Variants in MARS2 observed in about 807,000 individuals in gnomAD.
MARS2 encodes methionyl-tRNA synthetase 2, mitochondrial, also known as methionine--tRNA ligase, mitochondrial.
A neutral mutation model predicts 43.8 loss-of-function variants in MARS2; 33 were observed. That is an observed-to-expected ratio of 0.75 (90% confidence interval 0.57 to 1.01). The LOEUF (loss-of-function observed/expected upper bound fraction) is 1.01. MARS2 is among the 50% of genes least tolerant of loss of function. MARS2 has a pLI of 0.00. For synonymous variants in MARS2, 351 were observed against 325.5 expected, an observed-to-expected ratio of 1.08 and a Z score of -0.84; for missense variants, 720 against 763.0, an observed-to-expected ratio of 0.94 and a Z score of 0.66.
chr2:197,707,015 C>G lies in MARS2; in HGVS notation c.1610C>G (p.Ser537Cys). ...VTPSLADKLL[S>C]RLGVSASERS... Reference sequence around the variant, plus strand: ...CCAAGCCTAGCTGACAAGCTGCTGTCTAGGCTGGGGGTCTCTGCCTCAGAG... The same window carrying G: ...CCAAGCCTAGCTGACAAGCTGCTGTGTAGGCTGGGGGTCTCTGCCTCAGAG... Residue 537 changes from serine (S) to cysteine (C), a missense_variant, in exon 1 of 1, where the codon TCT becomes TGT. Ser to Cys is a moderately radical substitution (Grantham distance 112, BLOSUM62 -1). Coordinates refer to ENST00000282276, the MANE Select transcript of MARS2 (RefSeq NM_138395.4). The G allele has an allele frequency of 6.2e-7, 1 of 1,614,172 alleles. No individual in the cohort carries two copies. Among genetic ancestry groups the G allele is most frequent in the South Asian group, 1.1e-5 (1 of 91,084 alleles).
Position 197,705,457 on chromosome 2 carries a change from C to G in MARS2, c.52C>G (p.Leu18Val). 1 of 1,612,770 alleles carries G rather than the reference C, an allele frequency of 6.2e-7. No homozygotes were observed. The highest frequency in any genetic ancestry group is 1.7e-5 in the Admixed American group (1 of 60,016). The change falls in exon 1 of 1, where the codon CTG (leucine) becomes GTG (valine). Residue 18 changes from leucine (L) to valine (V), a missense_variant. By Grantham distance (32) the Leu-to-Val change is conservative. Transcript: ENST00000282276. ...RLLGRTGASR[L>V]SLLEDFGPRY... ...GCTAGGACGCACGGGGGCTAGTAGG[C>G]TGTCTCTCCTGGAGGACTTCGGCCC...
At position 197,707,095 on chromosome 2, in the gene MARS2, T is replaced by G; in HGVS notation, c.1690T>G (p.Phe564Val). The change falls in exon 1 of 1, where the codon TTT becomes GTT. Residue 564 changes from phenylalanine to valine, a missense_variant. Coordinates refer to ENST00000282276, the MANE Select transcript of MARS2 (RefSeq NM_138395.4). ...TCGATTCTATGGACATCCATGCCCT[T>G]TTGAAGGGAGGAGGCTGGGACCTGA... ...LPRFYGHPCP[F>V]EGRRLGPETG... The G allele has an allele frequency of 6.2e-7, 1 of 1,614,166 alleles. No individual in the cohort carries two copies. The highest frequency in any genetic ancestry group is 8.5e-7 in the Non-Finnish European group (1 of 1,180,026).
In MARS2 at chr2:197,706,880, C is replaced by G. The variant is rs752027520; in HGVS notation, c.1475C>G (p.Pro492Arg). The change falls in exon 1 of 1, where the codon CCA (proline) becomes CGA (arginine). Residue 492 changes from proline (P) to arginine (R), a missense_variant. By Grantham distance (103) the Pro-to-Arg change is moderately radical. Coordinates refer to ENST00000282276, the MANE Select transcript of MARS2 (RefSeq NM_138395.4). ...AATGGTTTTGTCCAAAGGCATGCACCATGGAAGCTGAACTGGGAGAGCCCA... is the reference window on the plus strand; with the variant it reads ...AATGGTTTTGTCCAAAGGCATGCACGATGGAAGCTGAACTGGGAGAGCCCA... ...QTNGFVQRHA[P>R]WKLNWESPVD... 6.2e-7 allele frequency: 1 copy of G among 1,614,194 alleles called. No individual in the cohort carries two copies.
In MARS2 at chr2:197,706,254, G is replaced by C; in HGVS notation, c.849G>C (p.Leu283=). The C allele has an allele frequency of 1.2e-6, 2 of 1,614,232 alleles. No homozygotes were observed. The highest frequency in any genetic ancestry group is 1.7e-6 in the Non-Finnish European group (2 of 1,180,040). Residue 283 remains leucine, a synonymous_variant, in exon 1 of 1, where the codon CTG becomes CTC. Coordinates refer to ENST00000282276, the MANE Select transcript of MARS2 (RefSeq NM_138395.4). ...CCATCTATGTATGGCTGGATGCCCT[G>C]GTCAACTACCTCACTGTAATTGGCT... The part of the protein sequence containing the change: ...SQTIYVWLDA[L]VNYLTVIGYP...
rs569426760 is a variant in MARS2, at chr2:197,705,395, C to G, written c.-11C>G. On this transcript the variant is annotated 5_prime_UTR_variant, in exon 1 of 1. Coordinates refer to ENST00000282276, the MANE Select transcript of MARS2 (RefSeq NM_138395.4). ...GAACGCCGCCTCCTCCGCTTGCGGC[C>G]GGTCTGCACCATGCTGCGAACGTCC... The G allele has an allele frequency of 1.1e-5, 17 of 1,568,288 alleles. No homozygotes were observed. The highest frequency in any genetic ancestry group is 8.0e-5 in the South Asian group (7 of 87,502).
Position 197,705,811 on chromosome 2 carries a change from A to C in MARS2, c.406A>C (p.Ile136Leu), listed in dbSNP as rs1280626663. 1.2e-6 allele frequency: 2 copies of C among 1,613,692 alleles called. No homozygotes were observed. Among genetic ancestry groups the C allele is most frequent in the Admixed American group, 3.3e-5 (2 of 60,024 alleles). Residue 136 changes from isoleucine to leucine, a missense_variant, in exon 1 of 1, where the codon ATC becomes CTC. Ile to Leu is a conservative substitution (Grantham distance 5, BLOSUM62 2). Coordinates refer to ENST00000282276, the MANE Select transcript of MARS2 (RefSeq NM_138395.4). ...QEAGISCTDF[I>L]RTTEARHRVA... ...GGCCGGTATCTCCTGCACAGATTTC[A>C]TCCGCACCACGGAGGCCCGGCACCG...
chr2:197,705,389 T>G lies in MARS2; in HGVS notation c.-17T>G, dbSNP rs753694432. ...CTGTCAGAACGCCGCCTCCTCCGCT[T>G]GCGGCCGGTCTGCACCATGCTGCGA... On this transcript the variant is annotated 5_prime_UTR_variant, in exon 1 of 1. Coordinates refer to ENST00000282276, the MANE Select transcript of MARS2 (RefSeq NM_138395.4). 50 of 1,564,932 alleles carry G rather than the reference T, an allele frequency of 3.2e-5. No individual in the cohort carries two copies. The highest frequency in any genetic ancestry group is 4.3e-5 in the Non-Finnish European group (50 of 1,153,352).
Position 197,705,648 on chromosome 2 carries a change from C to T in MARS2, c.243C>T (p.Pro81=). The part of the protein sequence containing the change: ...ALCRHRRLRG[P]STAATRFSTG... ...GCCGCCACCGTCGCCTCCGAGGTCC[C>T]AGCACGGCCGCCACGCGATTCTCCA... The change falls in exon 1 of 1, where the codon CCC becomes CCT. Residue 81 remains proline, a synonymous_variant. Transcript: ENST00000282276. 1 of 1,611,470 alleles carries T rather than the reference C, an allele frequency of 6.2e-7. No homozygotes were observed. The highest frequency in any genetic ancestry group is 1.1e-5 in the South Asian group (1 of 91,064).
Position 197,706,089 on chromosome 2 carries a change from C to T in MARS2, c.684C>T (p.Gly228=). The change falls in exon 1 of 1, where the codon GGC becomes GGT. Residue 228 remains glycine (G), a synonymous_variant. Coordinates refer to ENST00000282276, the MANE Select transcript of MARS2 (RefSeq NM_138395.4). ...AGCCACTCCAGCGGTGGCTGCGGGGCAACCCTCAGGCGATCACCCCCGAAC... is the reference window on the plus strand; with the variant it reads ...AGCCACTCCAGCGGTGGCTGCGGGGTAACCCTCAGGCGATCACCCCCGAAC... ...FRKPLQRWLR[G]NPQAITPEPF... The T allele has an allele frequency of 6.2e-7, 1 of 1,614,180 alleles. No individual in the cohort carries two copies. Among genetic ancestry groups the T allele is most frequent in the Non-Finnish European group, 8.5e-7 (1 of 1,180,046 alleles).
chr2:197,707,625 CAT>C lies in MARS2; in HGVS notation c.*439_*440del, dbSNP rs1391673670. 5.3e-6 allele frequency: 1 copy of C among 187,452 alleles called. No homozygotes were observed. Among genetic ancestry groups the C allele is most frequent in the African/African-American group, 2.4e-5 (1 of 41,572 alleles). The allele number at this position is 187,452 out of a possible 1,614,324, so 11.6% of individuals were successfully genotyped here. ...TACAGGGGGATCCTACTTTGTTACA[CAT>C]GTTGGGTTTCCTGATAAAAAGAGAG... On this transcript the variant is annotated 3_prime_UTR_variant, in exon 1 of 1. Coordinates refer to ENST00000282276, the MANE Select transcript of MARS2 (RefSeq NM_138395.4).
Position 197,707,400 on chromosome 2 carries a change from C to T in MARS2, c.*213C>T, listed in dbSNP as rs2106293567. 1.8e-6 allele frequency: 1 copy of T among 550,990 alleles called. No individual in the cohort carries two copies. The highest frequency in any genetic ancestry group is 1.9e-5 in the African/African-American group (1 of 52,746). The allele number at this position is 550,990 out of a possible 1,614,324, so 34.1% of individuals were successfully genotyped here. On this transcript the variant is annotated 3_prime_UTR_variant, in exon 1 of 1. Transcript: ENST00000282276. Reference sequence around the variant, plus strand: ...TCACTGTCCTTTGTGCATTGTGTGTCTAAGATGTCTTCAGGGGAAAGATGG... The same window carrying T: ...TCACTGTCCTTTGTGCATTGTGTGTTTAAGATGTCTTCAGGGGAAAGATGG...
Position 197,705,736 on chromosome 2 carries a change from A to G in MARS2, c.331A>G (p.Thr111Ala), listed in dbSNP as rs1417629404. The change falls in exon 1 of 1, where the codon ACC (threonine) becomes GCC (alanine). Residue 111 changes from threonine (T) to alanine (A), a missense_variant. Coordinates refer to ENST00000282276, the MANE Select transcript of MARS2 (RefSeq NM_138395.4). ...QAAATAGLAP[T>A]ELCDRVSEQF... ...AGCAGCTACCGCGGGCCTGGCCCCG[A>G]CCGAGCTGTGCGACCGAGTCTCTGA... 1.9e-6 allele frequency: 3 copies of G among 1,612,106 alleles called. No individual in the cohort carries two copies. Among genetic ancestry groups the G allele is most frequent in the Non-Finnish European group, 1.7e-6 (2 of 1,180,040 alleles).
rs1242662183 is a variant in MARS2 at position 197,708,380 on chromosome 2, G to A, written c.*1193G>A. 6.0e-6 allele frequency: 1 copy of A among 166,726 alleles called. No homozygotes were observed. The highest frequency in any genetic ancestry group is 1.5e-5 in the Non-Finnish European group (1 of 68,106). The allele number at this position is 166,726 out of a possible 1,614,324, so 10.3% of individuals were successfully genotyped here. A position where few individuals can be genotyped will look rare whatever the true frequency, so the allele number is the denominator to read the frequency against. On this transcript the variant is annotated 3_prime_UTR_variant, in exon 1 of 1. Transcript: ENST00000282276. ...TAACTTAAGTTATTAAAGTTTAAAA[G>A]TTCGTAAGTACCTTATTCAGATCTG... is the stretch of plus-strand genomic sequence containing the variant.
At position 197,706,344 on chromosome 2, in the gene MARS2, C is replaced by T; in HGVS notation, c.939C>T (p.Leu313=). 6.2e-7 allele frequency: 1 copy of T among 1,614,226 alleles called. No individual in the cohort carries two copies. Among genetic ancestry groups the T allele is most frequent in the Non-Finnish European group, 8.5e-7 (1 of 1,180,048 alleles). The part of the protein sequence containing the change: ...ATSHIIGKDI[L]KFHAIYWPAF... ...CTCATATCATAGGTAAGGACATTCT[C>T]AAATTCCATGCCATCTATTGGCCTG... The change falls in exon 1 of 1, where the codon CTC becomes CTT. Residue 313 remains leucine, a synonymous_variant. Transcript: ENST00000282276.
chr2:197,707,723 TC>T lies in MARS2; in HGVS notation c.*538del, dbSNP rs1239154938. The stretch of plus-strand genomic sequence containing the variant: ...TGCCCATGTGTATCCCCATTTAAAT[TC>T]CTACAACTAAGTCTCCCTGCTTTGT... On this transcript the variant is annotated 3_prime_UTR_variant, in exon 1 of 1. Transcript: ENST00000282276. 1 of 168,980 alleles carries T rather than the reference TC, an allele frequency of 5.9e-6. No individual in the cohort carries two copies. Among genetic ancestry groups the T allele is most frequent in the African/African-American group, 2.4e-5 (1 of 41,464 alleles). The allele number at this position is 168,980 out of a possible 1,614,324, so 10.5% of individuals were successfully genotyped here.
At position 197,706,718 on chromosome 2, in the gene MARS2, C is replaced by T. The variant is rs2089479043; in HGVS notation, c.1313C>T (p.Pro438Leu). ...CCTAGTGAGCCAGGGTTGGTGGGGC[C>T]GTCAGTTCGTGCTCAGGCAGAGGAT... ...CFPSEPGLVG[P>L]SVRAQAEDYA... is the part of the protein sequence containing the mutation. Residue 438 changes from proline to leucine, a missense_variant, in exon 1 of 1, where the codon CCG becomes CTG. Coordinates refer to ENST00000282276, the MANE Select transcript of MARS2 (RefSeq NM_138395.4). 3 of 1,613,968 alleles carry T rather than the reference C, an allele frequency of 1.9e-6. No individual in the cohort carries two copies. The highest frequency in any genetic ancestry group is 2.5e-6 in the Non-Finnish European group (3 of 1,180,034).
In MARS2 at chr2:197,706,264, C is replaced by G; in HGVS notation, c.859C>G (p.Leu287Val). 16 of 1,614,230 alleles carry G rather than the reference C, an allele frequency of 9.9e-6. No homozygotes were observed. Among genetic ancestry groups the G allele is most frequent in the Non-Finnish European group, 1.3e-5 (15 of 1,180,046 alleles). The stretch of plus-strand genomic sequence containing the variant: ...ATGGCTGGATGCCCTGGTCAACTAC[C>G]TCACTGTAATTGGCTACCCAAATGC... ...YVWLDALVNY[L>V]TVIGYPNAEF... The change falls in exon 1 of 1, where the codon CTC (leucine) becomes GTC (valine). Residue 287 changes from leucine to valine, a missense_variant. Physicochemically the swap from Leu to Val is conservative, Grantham distance 32 (BLOSUM62 1). Coordinates refer to ENST00000282276, the MANE Select transcript of MARS2 (RefSeq NM_138395.4).
At position 197,708,085 on chromosome 2, in the gene MARS2, ACT is replaced by A. The variant is rs1322837955; in HGVS notation, c.*901_*902del. ...AGTTGTTTATATAATAAATTATAAA[ACT>A]CTTGAGGCACTTGGTATGTTAAAAA... is the stretch of plus-strand genomic sequence containing the variant. On this transcript the variant is annotated 3_prime_UTR_variant, in exon 1 of 1. Transcript: ENST00000282276. 2 of 167,064 alleles carry A rather than the reference ACT, an allele frequency of 1.2e-5. No individual in the cohort carries two copies. Among genetic ancestry groups the A allele is most frequent in the East Asian group, 1.9e-4 (1 of 5,258 alleles). 10.3% of individuals were successfully genotyped at this position (167,064 alleles called of 1,614,324 possible). A position where few individuals can be genotyped will look rare whatever the true frequency, so the allele number is the denominator to read the frequency against.
Position 197,706,089 on chromosome 2 carries a change from C to A in MARS2, c.684C>A (p.Gly228=), listed in dbSNP as rs138604676. 2 of 1,614,180 alleles carry A rather than the reference C, an allele frequency of 1.2e-6. No individual in the cohort carries two copies. Among genetic ancestry groups the A allele is most frequent in the South Asian group, 2.2e-5 (2 of 91,086 alleles). The change falls in exon 1 of 1, where the codon GGC becomes GGA. Residue 228 remains glycine (G), a synonymous_variant. Coordinates refer to ENST00000282276, the MANE Select transcript of MARS2 (RefSeq NM_138395.4). ...FRKPLQRWLR[G]NPQAITPEPF... ...AGCCACTCCAGCGGTGGCTGCGGGG[C>A]AACCCTCAGGCGATCACCCCCGAAC... is the stretch of plus-strand genomic sequence containing the variant.
Sources: allele counts gnomAD v4.1 joint callset, GRCh38; gene constraint gnomAD v4.1.1; transcripts MANE v1.5; gene names NCBI Gene and HGNC (gene_info 2026-07-23, HGNC 2026-07-21).